CACNA1C: variants seen among roughly 807,000 people sequenced by gnomAD.
CACNA1C encodes voltage-dependent L-type calcium channel subunit alpha-1C.
In CACNA1C, 30 loss-of-function variants were observed where a neutral mutation model predicts 229.0. That is an observed-to-expected ratio of 0.13 (90% CI 0.10 to 0.18). The LOEUF (loss-of-function observed/expected upper bound fraction) is 0.18. Among genes scored for constraint, CACNA1C ranks in the 10% least tolerant of loss-of-function variants. The pLI is 1.00. For missense variants in CACNA1C, 1,658 were observed against 2,845.0 expected, an observed-to-expected ratio of 0.58 and a Z score of 9.49; for synonymous variants, 1,114 against 1,132.5, an observed-to-expected ratio of 0.98 and a Z score of 0.33.
chr12:2,082,137 A>G (rs2154054895), intron 1 of CACNA1C, among the ~76,000 whole-genome samples: 1 of 152,336 alleles, frequency 6.6e-6, no homozygotes, highest in South Asian at 2.1e-4. Context: ...AGCTGAGGTT[A>G]AACTATAATA....
At chr12:2,095,835 T>TTAGCCTGGGTCCC (rs1700918803) in intron 1 of CACNA1C, among the ~76,000 whole-genome samples, 1 of 152,212 alleles carries the variant, frequency 6.6e-6, no homozygotes, top group Non-Finnish European at 1.5e-5. Context: ...GAGGTCAGTC[T>TTAGCCTGGGTCCC]TAGCCTGGGT....
rs1567480804 is a variant in CACNA1C, at chr12:2,403,531, C to CT, written c.478-45438dup. ...CCCAAGGCTGCTTTTCCTTTCCTTT[C>CT]TTTTTTTAAAATTCTTTAATTAAAC... On this transcript the variant is annotated intron_variant, in intron 3 of 46. Coordinates refer to ENST00000399655, the MANE Select transcript of CACNA1C (RefSeq NM_000719.7). The surrounding 1 kb of genome is among the most constrained non-coding windows in gnomAD (Gnocchi z 4.1). Among the ~76,000 whole-genome samples the CT allele has an allele frequency of 6.6e-6, 1 of 152,170 alleles. No homozygotes were observed. Among genetic ancestry groups the CT allele is most frequent in the East Asian group, 1.9e-4 (1 of 5,200 alleles).
chr12:2,272,471 C>T (rs2085510874), intron 3 of CACNA1C, among the ~76,000 whole-genome samples: 1 of 152,230 alleles, frequency 6.6e-6, no homozygotes, highest in Non-Finnish European at 1.5e-5. Context: ...GCTTTCTCTA[C>T]TGATGCCTTG....
intron 34 of CACNA1C, among the ~76,000 whole-genome samples, chr12:2,658,038 G>A (rs2095512284): frequency 6.6e-6 from 1 of 151,950 alleles, no homozygotes; most frequent in Non-Finnish European, 1.5e-5. Flanking sequence ...AATACAGGTA[G>A]AGCATGACAG....
At chr12:2,622,018 A>C (rs2083513118) in intron 29 of CACNA1C, among the ~76,000 whole-genome samples, 1 of 152,192 alleles carries the variant, frequency 6.6e-6, no homozygotes, top group African/African-American at 2.4e-5. Flanking sequence ...GAACATGCAG[A>C]ATCACAAGGA....
chr12:2,448,191 C>T (rs766702997), intron 3 of CACNA1C, among the ~76,000 whole-genome samples: 12 of 152,144 alleles, frequency 7.9e-5, no homozygotes, highest in Non-Finnish European at 1.0e-4. Context: ...GGAGCTGCAT[C>T]CTTAAATGCA....
At chr12:2,380,505 C>A (rs952195032) in intron 3 of CACNA1C, among the ~76,000 whole-genome samples, 1 of 152,148 alleles carries the variant, frequency 6.6e-6, no homozygotes, top group Non-Finnish European at 1.5e-5. Context: ...CAGTTGCTCT[C>A]TGTCTGCAGC....
At chr12:2,345,416 A>G (rs1351128613) in intron 3 of CACNA1C, among the ~76,000 whole-genome samples, 1 of 152,206 alleles carries the variant, frequency 6.6e-6, no homozygotes, top group East Asian at 1.9e-4. Flanking sequence ...AGTGGCCACT[A>G]ACCAACTGGT....
At chr12:2,007,550 C>G (rs530628047) in intron 1 of CACNA1C, among the ~76,000 whole-genome samples, 1 of 152,264 alleles carries the variant, frequency 6.6e-6, no homozygotes, top group South Asian at 2.1e-4. Context: ...CATGTCTTCT[C>G]CAGTCTTTGA....
chr12:2,481,784 T>C (rs552382285), intron 5 of CACNA1C, among the ~76,000 whole-genome samples: 6 of 152,378 alleles, frequency 3.9e-5, no homozygotes, highest in Admixed American at 1.3e-4. Context: ...CTTACCCTGA[T>C]GTAGGGCTAG....
At chr12:2,188,623 CTG>C (rs1344052391) in intron 3 of CACNA1C, among the ~76,000 whole-genome samples, 1 of 152,136 alleles carries the variant, frequency 6.6e-6, no homozygotes, top group Non-Finnish European at 1.5e-5. Flanking sequence ...GAGAAAGACA[CTG>C]TTTCAGCAAA....
chr12:2,238,108 C>T (rs1168046868), intron 3 of CACNA1C, among the ~76,000 whole-genome samples: 1 of 152,166 alleles, frequency 6.6e-6, no homozygotes, highest in Non-Finnish European at 1.5e-5. Context: ...TCAAAACAGA[C>T]AGAATCAGGT....
In CACNA1C at chr12:2,067,479, T is replaced by TGCGC. The variant is rs1555107795; in HGVS notation, c.49+13869_49+13870insCGCG. On this transcript the variant is annotated intron_variant, in intron 1 of 46. Coordinates refer to ENST00000399655, the MANE Select transcript of CACNA1C (RefSeq NM_000719.7). This position sits in a 1 kb window ranked among gnomAD's most constrained non-coding sequence, Gnocchi z 5.3. ...GTGTGTGTGTGTGTGTGTGTGTGTG[T>TGCGC]GTGCGCGCGTGTGCGTGCCTGTATG... 2.4e-5 allele frequency among the ~76,000 whole-genome samples: 3 copies of TGCGC among 127,056 alleles called. No individual in the cohort carries two copies. The South Asian group carries it at 8.0e-4, about 34-fold the overall frequency. The allele number at this position is 127,056 out of a possible 152,430, so 83.4% of individuals were successfully genotyped here. A position where few individuals can be genotyped will look rare whatever the true frequency, so the allele number is the denominator to read the frequency against.
chr12:1,979,554 C>T (rs999716676), intron 1 of CACNA1C, among the ~76,000 whole-genome samples: 7 of 152,238 alleles, frequency 4.6e-5, no homozygotes, highest in South Asian at 2.1e-4. Context: ...TCAAGTGATC[C>T]GCCCGCCTCA....
intron 3 of CACNA1C, among the ~76,000 whole-genome samples, chr12:2,373,586 G>A (rs749242730): frequency 2.0e-5 from 3 of 152,166 alleles, no homozygotes; most frequent in Admixed American, 6.5e-5. Flanking sequence ...GGAGTTTGGC[G>A]TGGATTCAGG....
At position 2,248,323 on chromosome 12, in the gene CACNA1C, T is replaced by C. The variant is rs1389018658; in HGVS notation, c.477+127893T>C. Among the ~76,000 whole-genome samples the C allele has an allele frequency of 2.0e-5, 3 of 152,124 alleles. No homozygotes were observed. The East Asian group carries it at 5.8e-4, about 29-fold the overall frequency. The stretch of plus-strand genomic sequence containing the variant: ...GAGGAGATGAGTCCAGGAACCAGAG[T>C]TGGATGCTGGGAATCTCCGTGCTGT... On this transcript the variant is annotated intron_variant, in intron 3 of 46. Transcript: ENST00000399655.
Position 2,679,795 on chromosome 12 carries a change from A to C in CACNA1C, c.5443A>C (p.Arg1815=), listed in dbSNP as rs2097030780. ...GGTGGCGTGGAAGCTCAGCTCCAAC[A>C]GGTAAGTGGGAGGCTGGCCACCCCA... is the stretch of plus-strand genomic sequence containing the variant. ...QEVAWKLSSN[R]CHSRESQAAM... The change falls in exon 42 of 47, where the codon AGG becomes CGG. Residue 1815 remains arginine (R), a splice_region_variant and synonymous_variant. Transcript: ENST00000399655. The surrounding 1 kb of genome is among the most constrained non-coding windows in gnomAD (Gnocchi z 5.5). The C allele has an allele frequency of 6.4e-7, 1 of 1,555,254 alleles. No individual in the cohort carries two copies. Among genetic ancestry groups the C allele is most frequent in the Non-Finnish European group, 8.7e-7 (1 of 1,147,702 alleles).
At chr12:2,414,434 C>T (rs542427316) in intron 3 of CACNA1C, among the ~76,000 whole-genome samples, 3 of 152,136 alleles carry the variant, frequency 2.0e-5, no homozygotes, top group East Asian at 3.9e-4. Context: ...CGTGGATGGC[C>T]GGATTTTGAT....
intron 1 of CACNA1C, among the ~76,000 whole-genome samples, chr12:2,082,284 C>T (rs929506654): frequency 5.9e-5 from 9 of 152,180 alleles, no homozygotes; most frequent in African/African-American, 9.7e-5. Flanking sequence ...ACGAGTCAGA[C>T]GCTGGCCCTG....
Sources: allele counts gnomAD v4.1 joint callset (sites outside exome capture counted in the v4.1 genomes callset), GRCh38; gene constraint gnomAD v4.1.1; non-coding constraint Gnocchi (gnomAD v3.1); transcripts MANE v1.5; gene names NCBI Gene and HGNC (gene_info 2026-07-23, HGNC 2026-07-21).